Variants in UBR2 observed in about 807,000 individuals in gnomAD.
UBR2 encodes E3 ubiquitin-protein ligase UBR2.
A neutral mutation model predicts 247.9 loss-of-function variants in UBR2; 92 were observed. That is an observed-to-expected ratio of 0.37 (90% CI 0.31 to 0.44). The LOEUF is 0.44. Among genes scored for constraint, UBR2 ranks in the 20% least tolerant of loss-of-function variants. The pLI is 1.00. For missense variants in UBR2, 1,613 were observed against 2,112.6 expected (o/e 0.76, Z 4.64); for synonymous variants, 672 against 693.5 (o/e 0.97, Z 0.49).
intron 11 of UBR2, among the ~76,000 whole-genome samples, chr6:42,631,082 A>G (rs999278037): frequency 6.6e-6 from 1 of 152,106 alleles, no homozygotes; most frequent in African/African-American, 2.4e-5. Context: ...GGCGTTACAG[A>G]CGTGAGCTAC....
intron 26 of UBR2, among the ~76,000 whole-genome samples, chr6:42,656,520 C>T (rs958434574): frequency 6.6e-6 from 1 of 152,188 alleles, no homozygotes; most frequent in Non-Finnish European, 1.5e-5. Context: ...ACTTTCCCTG[C>T]CACAGACCTG....
chr6:42,637,124 G>A lies in UBR2; in HGVS notation c.1788G>A (p.Val596=), dbSNP rs772108190. 6.2e-7 allele frequency: 1 copy of A among 1,614,038 alleles called. No homozygotes were observed. Among genetic ancestry groups the A allele is most frequent in the South Asian group, 1.1e-5 (1 of 91,068 alleles). Reference sequence around the variant, plus strand: ...CACTAAGCATTTGTGGACATTCAGTGGAAACTATCAGATACTGTGTTTCCC... The same window carrying A: ...CACTAAGCATTTGTGGACATTCAGTAGAAACTATCAGATACTGTGTTTCCC... ...PITLSICGHS[V]ETIRYCVSQE... Residue 596 remains valine, a synonymous_variant, in exon 15 of 47, where the codon GTG becomes GTA. Coordinates refer to ENST00000372901, the MANE Select transcript of UBR2 (RefSeq NM_001363705.2).
intron 44 of UBR2, among the ~76,000 whole-genome samples, chr6:42,687,928 T>C (rs530421545): frequency 7.2e-5 from 11 of 152,342 alleles, no homozygotes; most frequent in African/African-American, 2.6e-4. Flanking sequence ...CATAGTATTT[T>C]ATTATATGGC....
chr6:42,578,775 A>G (rs1035371854), intron 2 of UBR2, among the ~76,000 whole-genome samples: 6 of 152,060 alleles, frequency 3.9e-5, no homozygotes, highest in African/African-American at 9.7e-5. Context: ...CTTGCTTTTG[A>G]AAAAACTTGA....
At chr6:42,647,882 T>C (rs926563768) in intron 21 of UBR2, among the ~76,000 whole-genome samples, 22 of 152,324 alleles carry the variant, frequency 1.4e-4, no homozygotes, top group African/African-American at 5.1e-4. Context: ...TCATAAAGTT[T>C]TATCTATTTT....
chr6:42,632,958 C>CTTTT, intron 13 of UBR2, 54 bp downstream of exon 13: 18 of 645,470 alleles, frequency 2.8e-5, no homozygotes, highest in South Asian at 3.9e-5. Flanking sequence ...TCTCTTTTCT[C>CTTTT]TTTTTTTTTT....
At chr6:42,589,240 A>G (rs1792500252) in intron 2 of UBR2, among the ~76,000 whole-genome samples, 1 of 152,184 alleles carries the variant, frequency 6.6e-6, no homozygotes, top group South Asian at 2.1e-4. Flanking sequence ...AAGTGCTGGG[A>G]TTACAGGTGT....
At position 42,603,610 on chromosome 6, in the gene UBR2, A is replaced by G; in HGVS notation, c.554A>G (p.Glu185Gly). 6.3e-7 allele frequency: 1 copy of G among 1,577,152 alleles called. No individual in the cohort carries two copies. Among genetic ancestry groups the G allele is most frequent in the Non-Finnish European group, 8.5e-7 (1 of 1,170,366 alleles). Residue 185 changes from glutamate (E) to glycine (G), a missense_variant, in exon 5 of 47, where the codon GAA (glutamate) becomes GGA (glycine). Transcript: ENST00000372901. ...CAGGATCCTCTTGTTCATTTATCAG[A>G]AGATGTGATAGCAAGAACTTATAAC... The part of the protein sequence containing the change: ...EEEDPLVHLS[E>G]DVIARTYNIF...
rs1000813222 is a variant in UBR2 at position 42,691,525 on chromosome 6, A to G, written c.*352A>G. The G allele has an allele frequency of 1.5e-5, 4 of 274,916 alleles. No homozygotes were observed. Among genetic ancestry groups the G allele is most frequent in the African/African-American group, 2.3e-5 (1 of 43,032 alleles). The allele number at this position is 274,916 out of a possible 1,614,324, so 17.0% of individuals were successfully genotyped here. ...GAACCGTGGGTCCGAAGCTGACTCA[A>G]CGGAGGCAGGGAACAAAGTCTCTGT... On this transcript the variant is annotated 3_prime_UTR_variant, in exon 47 of 47. Transcript: ENST00000372901.
intron 1 of UBR2, among the ~76,000 whole-genome samples, chr6:42,566,688 T>C (rs1790798890): frequency 6.6e-6 from 1 of 152,108 alleles, no homozygotes; most frequent in Non-Finnish European, 1.5e-5. Flanking sequence ...GCACACAGCC[T>C]ACCCTGTTTA....
chr6:42,687,047 G>C (rs1799460649), intron 44 of UBR2, among the ~76,000 whole-genome samples: 1 of 152,186 alleles, frequency 6.6e-6, no homozygotes, highest in Admixed American at 6.5e-5. Flanking sequence ...AGACTGGGCG[G>C]CCGGGCAGAG....
intron 2 of UBR2, among the ~76,000 whole-genome samples, chr6:42,579,684 A>G (rs926277582): frequency 6.6e-6 from 1 of 152,044 alleles, no homozygotes; most frequent in African/African-American, 2.4e-5. Flanking sequence ...TAACTTTTGT[A>G]TTTTTGTAGA....
intron 7 of UBR2, among the ~76,000 whole-genome samples, chr6:42,610,243 T>C (rs1411652431): frequency 2.0e-5 from 3 of 152,162 alleles, no homozygotes; most frequent in Non-Finnish European, 4.4e-5. Flanking sequence ...GGTAGGAAGG[T>C]AAAATGGTAT....
chr6:42,672,149 C>T (rs904728833), intron 36 of UBR2, among the ~76,000 whole-genome samples: 3 of 152,106 alleles, frequency 2.0e-5, no homozygotes, highest in African/African-American at 7.2e-5. Flanking sequence ...TCTCCTGTCT[C>T]AGCCTCCCGA....
Position 42,666,257 on chromosome 6 carries a change from AT to A in UBR2, c.3881+16del, listed in dbSNP as rs1798102366. ...GATTTTCGTCCTAAGTGAGTATATT[AT>A]TTTACTCCTTTAATATTTGACCCAT... On this transcript the variant is annotated intron_variant, in intron 34 of 46. Coordinates refer to ENST00000372901, the MANE Select transcript of UBR2 (RefSeq NM_001363705.2). 6.3e-7 allele frequency: 1 copy of A among 1,590,270 alleles called. No homozygotes were observed. Among genetic ancestry groups the A allele is most frequent in the Non-Finnish European group, 8.6e-7 (1 of 1,166,726 alleles).
intron 8 of UBR2, among the ~76,000 whole-genome samples, chr6:42,614,422 ACATATATATGTATGTACG>A: frequency 1.2e-5 from 1 of 81,452 alleles, no homozygotes; most frequent in Admixed American, 1.4e-4. Context: ...GTACGTACGT[ACATATATATGTATGTACG>A]TACATATATA....
intron 14 of UBR2, among the ~76,000 whole-genome samples, chr6:42,635,757 C>G (rs1796051947): frequency 6.6e-6 from 1 of 152,142 alleles, no homozygotes; most frequent in Non-Finnish European, 1.5e-5. Flanking sequence ...AGAAATAATC[C>G]AGATTGTCTC....
chr6:42,599,612 GTTT>G (rs869132410), intron 4 of UBR2, among the ~76,000 whole-genome samples: 7 of 86,400 alleles, frequency 8.1e-5, no homozygotes, highest in South Asian at 3.7e-4. Flanking sequence ...TTGTTTGGGG[GTTT>G]TTTTTGTTGT....
chr6:42,596,464 G>A (rs145066599), intron 4 of UBR2, among the ~76,000 whole-genome samples: 1,685 of 151,986 alleles, frequency 0.011, 86 homozygotes, highest in Admixed American at 0.094. Context: ...AAACATTACC[G>A]TATATTTCAC....
Sources: allele counts gnomAD v4.1 joint callset (sites outside exome capture counted in the v4.1 genomes callset), GRCh38; gene constraint gnomAD v4.1.1; transcripts MANE v1.5; gene names NCBI Gene and HGNC (gene_info 2026-07-23, HGNC 2026-07-21).